Variants in NIBAN1 observed in about 807,000 individuals in gnomAD.
NIBAN1 encodes niban apoptosis regulator 1.
A neutral mutation model predicts 75.1 loss-of-function variants in NIBAN1; 81 were observed. The ratio of observed to expected loss-of-function variants is 1.08; its 90% CI spans 0.90 to 1.30. The LOEUF (loss-of-function observed/expected upper bound fraction) is 1.30, where lower values mean the gene tolerates loss of function less well. Ranked by LOEUF, NIBAN1 falls within the 50% of genes most tolerant of loss-of-function variation. The pLI is 0.00. For synonymous variants in NIBAN1, 436 were observed against 424.8 expected (o/e 1.03, Z -0.32); for missense variants, 1,133 against 1,128.1 (o/e 1.00, Z -0.06).
chr1:184,904,679 G>A (rs1228749086), intron 1 of NIBAN1, among the ~76,000 whole-genome samples: 2 of 152,284 alleles, frequency 1.3e-5, no homozygotes, highest in African/African-American at 4.8e-5. Context: ...CTTGGGCTGG[G>A]CGCAGTAGCT....
chr1:184,964,412 T>C (rs1330937134), intron 1 of NIBAN1, among the ~76,000 whole-genome samples: 1 of 152,242 alleles, frequency 6.6e-6, no homozygotes, highest in African/African-American at 2.4e-5. Context: ...GCAATGACTG[T>C]GACCATCTGG....
intron 1 of NIBAN1, among the ~76,000 whole-genome samples, chr1:184,928,635 T>C (rs2102028704): frequency 6.6e-6 from 1 of 152,254 alleles, no homozygotes; most frequent in South Asian, 2.1e-4. Flanking sequence ...CAGTGCAAAG[T>C]TCCTGTGCTC....
At chr1:184,797,022 CT>C (rs1490902938) in intron 13 of NIBAN1, among the ~76,000 whole-genome samples, 1 of 152,134 alleles carries the variant, frequency 6.6e-6, no homozygotes, top group African/African-American at 2.4e-5. Flanking sequence ...CTACTAGGAC[CT>C]TGGGCTTGTC....
intron 10 of NIBAN1, 72 bp downstream of exon 10, chr1:184,808,002 C>T: frequency 6.4e-7 from 1 of 1,563,158 alleles, no homozygotes; most frequent in Non-Finnish European, 8.8e-7. Context: ...AGCAGCTGGT[C>T]TCACTGGCCA....
intron 2 of NIBAN1, among the ~76,000 whole-genome samples, chr1:184,896,951 T>C (rs1214788829): frequency 4.6e-5 from 7 of 152,334 alleles, no homozygotes; most frequent in South Asian, 2.1e-4. Flanking sequence ...TATAGCCTTG[T>C]AGTATAATTT....
chr1:184,805,515 T>C (rs148566968), intron 11 of NIBAN1, among the ~76,000 whole-genome samples: 2 of 152,342 alleles, frequency 1.3e-5, no homozygotes, highest in East Asian at 1.9e-4. Flanking sequence ...TTTCTTTTCT[T>C]TGGAGTATTT....
chr1:184,974,416 C>T lies in NIBAN1; in HGVS notation c.-60G>A. On this transcript the variant is annotated 5_prime_UTR_variant, in exon 1 of 14. Transcript: ENST00000367511. ...CCCGGTCCGCGCCCGCTGCTAGCTC[C>T]TGGAGGTTGATCCGACGGCGAACCC... 1 of 1,516,452 alleles carries T rather than the reference C, an allele frequency of 6.6e-7. No individual in the cohort carries two copies. The highest frequency in any genetic ancestry group is 2.6e-5 in the East Asian group (1 of 37,992). 93.9% of individuals were successfully genotyped at this position (1,516,452 alleles called of 1,614,324 possible).
At chr1:184,960,521 G>A (rs569914761) in intron 1 of NIBAN1, among the ~76,000 whole-genome samples, 2 of 152,226 alleles carry the variant, frequency 1.3e-5, no homozygotes, top group Admixed American at 1.3e-4. Context: ...ATTTGCTGAG[G>A]GTGCTATTCA....
chr1:184,802,198 A>G (rs1654064220), intron 12 of NIBAN1, among the ~76,000 whole-genome samples: 1 of 152,212 alleles, frequency 6.6e-6, no homozygotes, highest in South Asian at 2.1e-4. Context: ...AATATCCTCC[A>G]TTACCAAAAC....
At chr1:184,797,523 C>CG (rs1482134525) in intron 13 of NIBAN1, among the ~76,000 whole-genome samples, 5 of 150,900 alleles carry the variant, frequency 3.3e-5, no homozygotes, top group Non-Finnish European at 5.9e-5. Flanking sequence ...TACTGGATGC[C>CG]GGAGTCCCAC....
At chr1:184,855,927 T>C (rs1381760114) in intron 5 of NIBAN1, among the ~76,000 whole-genome samples, 4 of 152,214 alleles carry the variant, frequency 2.6e-5, no homozygotes, top group African/African-American at 7.2e-5. Context: ...TCTAGCCGAT[T>C]GGTAAGTACA....
intron 5 of NIBAN1, among the ~76,000 whole-genome samples, chr1:184,883,721 C>T (rs567011142): frequency 9.9e-5 from 15 of 152,160 alleles, no homozygotes; most frequent in African/African-American, 3.1e-4. Flanking sequence ...CCAGGCCCCA[C>T]GGTGTACCCA....
At position 184,803,614 on chromosome 1, in the gene NIBAN1, G is replaced by A; in HGVS notation, c.1525C>T (p.Gln509Ter). 1.2e-6 allele frequency: 2 copies of A among 1,614,168 alleles called. No individual in the cohort carries two copies. The highest frequency in any genetic ancestry group is 1.7e-6 in the Non-Finnish European group (2 of 1,179,996). Residue 509 changes from glutamine to a stop codon, truncating the protein, a stop_gained, in exon 12 of 14, where the codon CAG (glutamine) becomes TAG (stop). Transcript: ENST00000367511. LOFTEE classifies it high-confidence loss of function. ...TTGCATGTGGACGCCAGTGCCTTCTGCACAGTGGGAAGTGTGATTTGAACT... is the reference window on the plus strand; with the variant it reads ...TTGCATGTGGACGCCAGTGCCTTCTACACAGTGGGAAGTGTGATTTGAACT... ...ALVQITLPTV[Q>*]KALASTCKPE...
chr1:184,917,083 G>A (rs1571571617), intron 1 of NIBAN1, among the ~76,000 whole-genome samples: 1 of 152,316 alleles, frequency 6.6e-6, no homozygotes, highest in East Asian at 1.9e-4. Flanking sequence ...CTTCCCAGCA[G>A]TACAGAAAAC....
At chr1:184,812,525 C>T (rs984606417) in intron 9 of NIBAN1, among the ~76,000 whole-genome samples, 1 of 152,176 alleles carries the variant, frequency 6.6e-6, no homozygotes, top group Non-Finnish European at 1.5e-5. Flanking sequence ...TATATAAAAA[C>T]AGTCGAATGA....
intron 1 of NIBAN1, among the ~76,000 whole-genome samples, chr1:184,903,593 A>G (rs1657009224): frequency 6.6e-6 from 1 of 151,928 alleles, no homozygotes; most frequent in Admixed American, 6.6e-5. Context: ...TCTCTTGCTC[A>G]GCTCTTGCCA....
At chr1:184,915,813 G>A (rs1364470106) in intron 1 of NIBAN1, among the ~76,000 whole-genome samples, 1 of 152,180 alleles carries the variant, frequency 6.6e-6, no homozygotes, top group East Asian at 1.9e-4. Flanking sequence ...AACCTGCATA[G>A]CAAAGGCTTC....
chr1:184,894,744 T>C (rs560153331), intron 2 of NIBAN1, among the ~76,000 whole-genome samples: 2 of 152,198 alleles, frequency 1.3e-5, no homozygotes, highest in African/African-American at 2.4e-5. Context: ...GGAGATCATG[T>C]TTGCTATTTG....
chr1:184,831,525 G>A (rs1318004661), intron 6 of NIBAN1, among the ~76,000 whole-genome samples: 2 of 152,110 alleles, frequency 1.3e-5, no homozygotes, highest in East Asian at 1.9e-4. Context: ...ACTATTCCTC[G>A]GTACTCACAC....
Sources: gnomAD v4.1 joint callset for allele counts (sites outside exome capture counted in the v4.1 genomes callset) on GRCh38, gnomAD v4.1.1 for gene constraint, MANE v1.5 for transcripts, NCBI Gene and HGNC (gene_info 2026-07-23, HGNC 2026-07-21) for gene names.